Variants in CEP78 observed in about 807,000 individuals in gnomAD.
The protein encoded by CEP78 is centrosomal protein of 78 kDa.
A neutral mutation model predicts 81.2 loss-of-function variants in CEP78; 76 were observed. The observed-to-expected ratio is 0.94, with a 90% CI of 0.78 to 1.13. CEP78 has a LOEUF of 1.13. Among genes scored for constraint, CEP78 ranks in the 50% most tolerant of loss-of-function variants. CEP78 has a pLI of 0.00. For missense variants in CEP78, 918 were observed against 846.8 expected (o/e 1.08, Z -1.04); for synonymous variants, 293 against 301.4 (o/e 0.97, Z 0.29).
At chr9:78,259,129 A>G (rs1012648351) in intron 11 of CEP78, among the ~76,000 whole-genome samples, 1 of 152,258 alleles carries the variant, frequency 6.6e-6, no homozygotes, top group Non-Finnish European at 1.5e-5. Flanking sequence ...TGAGAAAACT[A>G]TAAAAGTAAT....
intron 11 of CEP78, 23 bp from the exon 12 acceptor site, chr9:78,262,881 ATAT>A: frequency 7.4e-7 from 1 of 1,343,270 alleles, no homozygotes; most frequent in Non-Finnish European, 1.0e-6. Flanking sequence ...ATTAATTATA[ATAT>A]TTACTTTATT....
intron 11 of CEP78, among the ~76,000 whole-genome samples, chr9:78,257,044 G>C (rs1489602807): frequency 6.6e-6 from 1 of 151,628 alleles, no homozygotes; most frequent in Non-Finnish European, 1.5e-5. Context: ...GCATCTAGGA[G>C]GTCTAACATG....
intron 16 of CEP78, among the ~76,000 whole-genome samples, chr9:78,270,087 G>T (rs958984244): frequency 6.6e-6 from 1 of 152,164 alleles, no homozygotes; most frequent in African/African-American, 2.4e-5. Context: ...CAGGGATGGG[G>T]TCACATTGTA....
At chr9:78,258,689 A>C (rs916587192) in intron 11 of CEP78, among the ~76,000 whole-genome samples, 3 of 152,222 alleles carry the variant, frequency 2.0e-5, no homozygotes, top group African/African-American at 7.2e-5. Flanking sequence ...GAGAAGGATT[A>C]AAAAGAAGAA....
intron 5 of CEP78, among the ~76,000 whole-genome samples, chr9:78,246,158 A>G (rs1476473014): frequency 2.0e-5 from 3 of 152,172 alleles, no homozygotes; most frequent in African/African-American, 7.2e-5. Flanking sequence ...TGACACATCT[A>G]TGAAGAGGGT....
chr9:78,249,200 GT>G (rs1225910439), intron 8 of CEP78: 1 of 145,054 alleles, frequency 6.9e-6, no homozygotes, highest in Admixed American at 7.5e-5. Context: ...TTTGATGACA[GT>G]TTTAGCAGTG....
rs774015031 is a variant in CEP78, at chr9:78,265,833, G to A, written c.1798-26G>A. The A allele has an allele frequency of 3.2e-5, 37 of 1,147,198 alleles. No individual in the cohort carries two copies. In the African/African-American group the frequency reaches 5.1e-4, roughly 16 times the overall value. The allele number at this position is 1,147,198 out of a possible 1,614,324, so 71.1% of individuals were successfully genotyped here. ...ATTTTCAATTTTCAATTTTATAAAT[G>A]TCTATTCTATTCATATTCCATCTAG... On this transcript the variant is annotated intron_variant, in intron 14 of 16. Transcript: ENST00000643273.
At chr9:78,238,721 T>C (rs1405772976) in intron 1 of CEP78, among the ~76,000 whole-genome samples, 1 of 152,190 alleles carries the variant, frequency 6.6e-6, no homozygotes, top group African/African-American at 2.4e-5. Context: ...GTGCAGGAAC[T>C]GTTCTGTACC....
intron 16 of CEP78, among the ~76,000 whole-genome samples, chr9:78,268,751 C>T (rs992954608): frequency 3.4e-5 from 5 of 146,918 alleles, no homozygotes; most frequent in Admixed American, 7.0e-5. Context: ...GGTGCGATCT[C>T]GGCTCACTGC....
At chr9:78,239,716 GC>G (rs1826129577) in intron 1 of CEP78, among the ~76,000 whole-genome samples, 2 of 152,138 alleles carry the variant, frequency 1.3e-5, no homozygotes, top group Admixed American at 1.3e-4. Flanking sequence ...AGGCTTAGAT[GC>G]CTTTGCTCTC....
intron 16 of CEP78, among the ~76,000 whole-genome samples, chr9:78,268,697 T>C: frequency 6.6e-6 from 1 of 150,654 alleles, no homozygotes; most frequent in South Asian, 2.1e-4. Flanking sequence ...TTTTTTTTTT[T>C]TTTGAGATGG....
In CEP78 at chr9:78,236,292, C is replaced by T; in HGVS notation, c.-59C>T. ...AGCGGCCGGGTTGCGACTCAGCGTTCTTGGGTGGGCGCGGGCGGCGTCTCC... is the reference window on the plus strand; with the variant it reads ...AGCGGCCGGGTTGCGACTCAGCGTTTTTGGGTGGGCGCGGGCGGCGTCTCC... On this transcript the variant is annotated 5_prime_UTR_variant, in exon 1 of 17. Coordinates refer to ENST00000643273, the MANE Select transcript of CEP78 (RefSeq NM_001330691.3). 1 of 1,480,518 alleles carries T rather than the reference C, an allele frequency of 6.8e-7. No homozygotes were observed. Among genetic ancestry groups the T allele is most frequent in the African/African-American group, 1.4e-5 (1 of 71,166 alleles). 91.7% of individuals were successfully genotyped at this position (1,480,518 alleles called of 1,614,324 possible).
Position 78,236,453 on chromosome 9 carries a change from C to G in CEP78, c.103C>G (p.Arg35Gly), listed in dbSNP as rs200483715. ...GAACTCGGTGCCGCTGCCCGCCGTG[C>G]GCGCCTGTCTCCGGGAGGGCGTGCT... is the stretch of plus-strand genomic sequence containing the variant. Reference protein sequence around the residue: ...LQNSVPLPAVRACLREGVLDF... With the variant: ...LQNSVPLPAVGACLREGVLDF... The change falls in exon 1 of 17, where the codon CGC becomes GGC. Residue 35 changes from arginine to glycine, a missense_variant. Physicochemically the swap from Arg to Gly is moderately radical, Grantham distance 125. Coordinates refer to ENST00000643273, the MANE Select transcript of CEP78 (RefSeq NM_001330691.3). The G allele has an allele frequency of 6.2e-7, 1 of 1,604,702 alleles. No homozygotes were observed. The highest frequency in any genetic ancestry group is 1.3e-5 in the African/African-American group (1 of 74,914).
In CEP78 at chr9:78,277,144, TATC is replaced by T. The variant is rs1432806056; in HGVS notation, c.*6296_*6298del. ...TTATTTACTACTTTTTCTTATTTCA[TATC>T]ATGGATGAAAAAAATCAAGATGAAT... On this transcript the variant is annotated 3_prime_UTR_variant, in exon 17 of 17. Coordinates refer to ENST00000643273, the MANE Select transcript of CEP78 (RefSeq NM_001330691.3). 1.9e-4 allele frequency: 29 copies of T among 152,156 alleles called. No homozygotes were observed. In the East Asian group the frequency reaches 5.0e-3, roughly 26 times the overall value. The allele number at this position is 152,156 out of a possible 1,614,324, so 9.4% of individuals were successfully genotyped here.
chr9:78,243,881 A>G (rs919010069), intron 5 of CEP78, among the ~76,000 whole-genome samples: 2 of 151,504 alleles, frequency 1.3e-5, no homozygotes, highest in African/African-American at 4.8e-5. Context: ...TTTGGTGTAT[A>G]CACTTTCAGT....
intron 12 of CEP78, among the ~76,000 whole-genome samples, chr9:78,263,608 CAG>C (rs1827377963): frequency 6.6e-6 from 1 of 152,118 alleles, no homozygotes; most frequent in African/African-American, 2.4e-5. Context: ...TTTGTGAACA[CAG>C]TGGCCTTTCT....
chr9:78,253,225 T>C lies in CEP78; in HGVS notation c.1206-7T>C, dbSNP rs1312775561. ...AAATATAACTTAATTTATCGATATC[T>C]TTTTAGGGGTTTCCCATTAATCAAA... is the stretch of plus-strand genomic sequence containing the variant. On this transcript the variant is annotated splice_polypyrimidine_tract_variant and splice_region_variant and intron_variant, in intron 9 of 16. Transcript: ENST00000643273. 8.0e-7 allele frequency: 1 copy of C among 1,244,948 alleles called. No individual in the cohort carries two copies. The highest frequency in any genetic ancestry group is 1.9e-4 in the Middle Eastern group (1 of 5,348). 77.1% of individuals were successfully genotyped at this position (1,244,948 alleles called of 1,614,324 possible).
At chr9:78,244,319 G>A (rs1563980550) in intron 5 of CEP78, among the ~76,000 whole-genome samples, 1 of 151,722 alleles carries the variant, frequency 6.6e-6, no homozygotes, top group Non-Finnish European at 1.5e-5. Context: ...GTGGAGACAG[G>A]GTCTTGCTGT....
chr9:78,262,936 A>T lies in CEP78; in HGVS notation c.1410A>T (p.Leu470Phe), dbSNP rs1563995727. 6.5e-7 allele frequency: 1 copy of T among 1,544,956 alleles called. No homozygotes were observed. The highest frequency in any genetic ancestry group is 2.0e-5 in the Admixed American group (1 of 50,528). ...AACTGGAGGAGTGCCTAAAGCAGTT[A>T]AAGGAAGAAAGAGTGATAAGGCTTA... Reference protein sequence around the residue: ...QEKLEECLKQLKEERVIRLKV... With the variant: ...QEKLEECLKQFKEERVIRLKV... Residue 470 changes from leucine (L) to phenylalanine (F), a missense_variant, in exon 12 of 17, where the codon TTA becomes TTT. Coordinates refer to ENST00000643273, the MANE Select transcript of CEP78 (RefSeq NM_001330691.3).
Sources: allele counts gnomAD v4.1 joint callset (sites outside exome capture counted in the v4.1 genomes callset), GRCh38; gene constraint gnomAD v4.1.1; transcripts MANE v1.5; gene names NCBI Gene and HGNC (gene_info 2026-07-23, HGNC 2026-07-21).